Variants in DTNA observed in about 807,000 individuals in gnomAD.
DTNA encodes the protein dystrobrevin alpha.
DTNA carries 43 observed loss-of-function variants against 100.7 expected under a neutral mutation model. That is an observed-to-expected ratio of 0.43 (90% CI 0.33 to 0.55). DTNA has a LOEUF of 0.55. Among genes scored for constraint, DTNA ranks in the 20% least tolerant of loss-of-function variants. The pLI, the probability that DTNA is intolerant of heterozygous loss-of-function variation, is 0.04. For synonymous variants in DTNA, 349 were observed against 347.9 expected (o/e 1.00, Z -0.04); for missense variants, 798 against 953.9 (o/e 0.84, Z 2.15).
intron 1 of DTNA, among the ~76,000 whole-genome samples, chr18:34,566,596 A>C (rs1396223466): frequency 6.6e-6 from 1 of 152,244 alleles, no homozygotes; most frequent in African/African-American, 2.4e-5. Context: ...AAGTTGCCAC[A>C]GATTGTTAGA....
At chr18:34,751,177 C>A (rs904071166) in intron 1 of DTNA, among the ~76,000 whole-genome samples, 13 of 152,182 alleles carry the variant, frequency 8.5e-5, no homozygotes, top group Admixed American at 6.5e-5. Flanking sequence ...AGCTGAGGTC[C>A]TCTCATCTGC....
At chr18:34,791,862 G>A (rs117519537) in intron 3 of DTNA, among the ~76,000 whole-genome samples, 3,414 of 152,116 alleles carry the variant, frequency 0.022, 63 homozygotes, top group Middle Eastern at 0.034. Flanking sequence ...TTCCATTTTA[G>A]GAATGCCAGC....
intron 16 of DTNA, among the ~76,000 whole-genome samples, chr18:34,862,134 A>AG (rs1427321959): frequency 6.8e-6 from 1 of 147,542 alleles, no homozygotes; most frequent in African/African-American, 2.6e-5. Context: ...CAAAAAAAAA[A>AG]AAAAAAAAAG....
intron 1 of DTNA, among the ~76,000 whole-genome samples, chr18:34,495,480 T>C (rs540552148): frequency 1.5e-3 from 222 of 152,340 alleles, no homozygotes; most frequent in African/African-American, 5.2e-3. Flanking sequence ...TTAAATTTCA[T>C]AGGTTATTAG....
chr18:34,598,590 C>T (rs1437805111), intron 1 of DTNA, among the ~76,000 whole-genome samples: 2 of 152,116 alleles, frequency 1.3e-5, no homozygotes, highest in Non-Finnish European at 1.5e-5. Context: ...CTTGGCCAGG[C>T]GCATTGGTTC....
intron 1 of DTNA, among the ~76,000 whole-genome samples, chr18:34,723,144 C>T (rs559024250): frequency 1.1e-4 from 17 of 152,170 alleles, no homozygotes; most frequent in African/African-American, 4.1e-4. Context: ...ACAACATTAA[C>T]ATTTTAAATT....
At chr18:34,677,533 T>C (rs1028522408) in intron 1 of DTNA, among the ~76,000 whole-genome samples, 1 of 152,182 alleles carries the variant, frequency 6.6e-6, no homozygotes, top group Non-Finnish European at 1.5e-5. Flanking sequence ...TACATAGATA[T>C]AGCCTAAGGT....
At chr18:34,640,726 T>A (rs1356956605) in intron 1 of DTNA, among the ~76,000 whole-genome samples, 1 of 152,250 alleles carries the variant, frequency 6.6e-6, no homozygotes, top group Non-Finnish European at 1.5e-5. Context: ...ATTGTTTGCT[T>A]CATCTTTAAA....
In DTNA at chr18:34,755,975, G is replaced by A; in HGVS notation, c.-1-1G>A. 1 of 1,612,790 alleles carries A rather than the reference G, an allele frequency of 6.2e-7. No individual in the cohort carries two copies. The highest frequency in any genetic ancestry group is 8.5e-7 in the Non-Finnish European group (1 of 1,179,210). On this transcript the variant is annotated splice_acceptor_variant, in intron 1 of 22. Coordinates refer to ENST00000444659, the MANE Select transcript of DTNA (RefSeq NM_001386795.1). LOFTEE classifies it low-confidence loss of function (5UTR_SPLICE). ...CACATTGTAACTATTTTGTCTCATA[G>A]AATGATTGAAGATAGTGGGAAAAGA...
At chr18:34,710,669 T>C (rs2082717326) in intron 1 of DTNA, among the ~76,000 whole-genome samples, 1 of 142,292 alleles carries the variant, frequency 7.0e-6, no homozygotes, top group East Asian at 1.9e-4. Flanking sequence ...AGTGTGTGTG[T>C]GTGGGAGTGT....
At chr18:34,680,430 T>A (rs555271620) in intron 1 of DTNA, among the ~76,000 whole-genome samples, 6 of 152,300 alleles carry the variant, frequency 3.9e-5, no homozygotes, top group Admixed American at 3.9e-4. Context: ...AGTCTAGTTT[T>A]CAAAGTGTGG....
rs2076148903 is a variant in DTNA, at chr18:34,667,775, A to C, written c.-1-88201A>C. ...AGCCTTGCATCCCAGGGATGAAGCC[A>C]ATTTGATCATGGTGGATAAGCTTTT... On this transcript the variant is annotated intron_variant, in intron 1 of 19. Coordinates refer to the DTNA transcript ENST00000283365. Among the ~76,000 whole-genome samples the C allele has an allele frequency of 2.0e-5, 3 of 152,216 alleles. No individual in the cohort carries two copies. The South Asian group carries it at 6.2e-4, about 32-fold the overall frequency.
intron 1 of DTNA, among the ~76,000 whole-genome samples, chr18:34,718,186 TA>T (rs1388390782): frequency 6.6e-6 from 1 of 152,146 alleles, no homozygotes; most frequent in East Asian, 1.9e-4. Context: ...CCAACTTACA[TA>T]AATCATCCTC....
At chr18:34,878,939 C>T (rs2096845387) in intron 19 of DTNA, among the ~76,000 whole-genome samples, 1 of 152,140 alleles carries the variant, frequency 6.6e-6, no homozygotes, top group African/African-American at 2.4e-5. Flanking sequence ...TAAAGCCTCT[C>T]AATTGAAAAT....
At chr18:34,560,405 C>T (rs1203209055) in intron 1 of DTNA, among the ~76,000 whole-genome samples, 1 of 152,098 alleles carries the variant, frequency 6.6e-6, no homozygotes, top group African/African-American at 2.4e-5. Flanking sequence ...GTTACAAATT[C>T]TAAGGTCATA....
chr18:34,628,338 T>C lies in DTNA; in HGVS notation c.-1-127638T>C, dbSNP rs2057620348. Among the ~76,000 whole-genome samples, 4 of 152,220 alleles carry C rather than the reference T, an allele frequency of 2.6e-5. No homozygotes were observed. The South Asian group carries it at 8.3e-4, about 31-fold the overall frequency. On this transcript the variant is annotated intron_variant, in intron 1 of 19. Coordinates refer to the DTNA transcript ENST00000283365. ...CAGTTCTACTGAAAGGTTTTCAAAT[T>C]ATTTGGTAAAGGATTCACATATTCA...
chr18:34,704,725 A>T (rs576946331), intron 1 of DTNA, among the ~76,000 whole-genome samples: 2 of 152,350 alleles, frequency 1.3e-5, no homozygotes, highest in African/African-American at 4.8e-5. Context: ...CTGAATCAGT[A>T]CATCTCATTT....
At chr18:34,634,718 A>T (rs2058474660) in intron 1 of DTNA, among the ~76,000 whole-genome samples, 1 of 152,202 alleles carries the variant, frequency 6.6e-6, no homozygotes, top group Non-Finnish European at 1.5e-5. Context: ...TAATTAACAA[A>T]TATAAATTGT....
chr18:34,787,204 A>G (rs2094538727), intron 3 of DTNA, among the ~76,000 whole-genome samples: 3 of 152,222 alleles, frequency 2.0e-5, no homozygotes, highest in Admixed American at 2.0e-4. Flanking sequence ...AAGTCACTAT[A>G]ATTGTCTACT....
Sources: allele counts gnomAD v4.1 joint callset (sites outside exome capture counted in the v4.1 genomes callset), GRCh38; gene constraint gnomAD v4.1.1; transcripts MANE v1.5; gene names NCBI Gene and HGNC (gene_info 2026-07-23, HGNC 2026-07-21).